Variants in CCDC149 observed in about 807,000 individuals in gnomAD.
CCDC149 encodes the protein coiled-coil domain containing 149, also known as coiled-coil domain-containing protein 149.
CCDC149 carries 45 observed loss-of-function variants against 59.9 expected under a neutral mutation model. The ratio of observed to expected loss-of-function variants is 0.75; its 90% CI spans 0.59 to 0.96. CCDC149 has a LOEUF of 0.96. Ranked by LOEUF, CCDC149 falls within the 40% of genes least tolerant of loss-of-function variation. CCDC149 has a pLI of 0.00. For synonymous variants in CCDC149, 245 were observed against 260.6 expected (o/e 0.94, Z 0.58); for missense variants, 584 against 664.7 (o/e 0.88, Z 1.33).
intron 4 of CCDC149, among the ~76,000 whole-genome samples, chr4:24,847,461 C>T (rs979970612): frequency 1.2e-4 from 19 of 152,138 alleles, no homozygotes; most frequent in Non-Finnish European, 2.1e-4. Flanking sequence ...ATTATCTACT[C>T]CCCAACTAGA....
intron 1 of CCDC149, among the ~76,000 whole-genome samples, chr4:24,945,597 T>C (rs1723084864): frequency 6.6e-6 from 1 of 151,550 alleles, no homozygotes; most frequent in South Asian, 2.1e-4. Context: ...AGCCACTCTG[T>C]TTATGATAAT....
intron 1 of CCDC149, among the ~76,000 whole-genome samples, chr4:24,931,190 A>G (rs527905110): frequency 9.2e-4 from 138 of 149,616 alleles, no homozygotes; most frequent in East Asian, 2.5e-3. Context: ...ATATGTGTGT[A>G]TATATATATA....
At chr4:24,829,704 C>T (rs1399370407) in intron 9 of CCDC149, 1 of 152,106 alleles carries the variant, frequency 6.6e-6, no homozygotes, top group Admixed American at 6.6e-5. Flanking sequence ...TGGACTCACC[C>T]GGGACTTACT....
At chr4:24,850,083 T>A (rs188668424) in intron 4 of CCDC149, among the ~76,000 whole-genome samples, 70 of 152,374 alleles carry the variant, frequency 4.6e-4, no homozygotes, top group Admixed American at 2.5e-3. Context: ...CTCCACAAAG[T>A]ACTGATGACA....
In CCDC149 at chr4:24,835,001, C is replaced by G. The variant is rs1269961606; in HGVS notation, c.767G>C (p.Gly256Ala). The G allele has an allele frequency of 6.2e-7, 1 of 1,613,986 alleles. No homozygotes were observed. The stretch of plus-strand genomic sequence containing the variant: ...AGCACTGCTGCTGGATTTACCCTGG[C>G]CCTTCGAGTTTTTCCGTCTCTCCAG... The change falls in exon 8 of 13, where the codon GGC (glycine) becomes GCC (alanine). Residue 256 changes from glycine (G) to alanine (A), a missense_variant. Physicochemically the swap from Gly to Ala is moderately conservative, Grantham distance 60 (BLOSUM62 0). Coordinates refer to ENST00000635206, the MANE Select transcript of CCDC149 (RefSeq NM_001330643.2).
chr4:24,958,899 C>T (rs1316485044), intron 1 of CCDC149, among the ~76,000 whole-genome samples: 1 of 151,494 alleles, frequency 6.6e-6, no homozygotes, highest in African/African-American at 2.4e-5. Context: ...GTGGCACACA[C>T]CTGTAATCTC....
intron 1 of CCDC149, among the ~76,000 whole-genome samples, chr4:24,966,059 C>G (rs190500166): frequency 6.6e-6 from 1 of 152,120 alleles, no homozygotes. Flanking sequence ...TTTCCAGCTA[C>G]CCACCACTTG....
intron 1 of CCDC149, among the ~76,000 whole-genome samples, chr4:24,921,043 A>G (rs1410850506): frequency 1.3e-5 from 2 of 152,304 alleles, no homozygotes; most frequent in African/African-American, 2.4e-5. Context: ...GAGTGTTTCA[A>G]CTTTGCTAAA....
At chr4:24,850,706 A>G (rs952737080) in intron 4 of CCDC149, among the ~76,000 whole-genome samples, 1 of 152,144 alleles carries the variant, frequency 6.6e-6, no homozygotes, top group African/African-American at 2.4e-5. Flanking sequence ...GAAGAGTTGG[A>G]GTAGAAAGTG....
At chr4:24,833,487 G>A (rs1716294642) in intron 8 of CCDC149, among the ~76,000 whole-genome samples, 1 of 152,144 alleles carries the variant, frequency 6.6e-6, no homozygotes, top group African/African-American at 2.4e-5. Flanking sequence ...AGCTGGGCAT[G>A]GTAGCACACG....
intron 9 of CCDC149, chr4:24,828,274 T>C (rs1322987980): frequency 1.9e-5 from 1 of 54,050 alleles, no homozygotes; most frequent in East Asian, 3.7e-4. Context: ...AGTTACCGTT[T>C]GTAAAAAAAA....
chr4:24,838,224 C>T lies in CCDC149; in HGVS notation c.421G>A (p.Gly141Ser), dbSNP rs757955415. The change falls in exon 5 of 13, where the codon GGC becomes AGC. Residue 141 changes from glycine to serine, a missense_variant. Transcript: ENST00000635206. ...TCATGGGCTGCAAAGTGTCGCACGC[C>T]GATTGCTTCGTCTCCGAGCCTTTGT... The T allele has an allele frequency of 3.1e-5, 50 of 1,614,008 alleles. No homozygotes were observed. The highest frequency in any genetic ancestry group is 4.1e-5 in the Non-Finnish European group (48 of 1,180,034).
intron 11 of CCDC149, among the ~76,000 whole-genome samples, chr4:24,820,759 G>A (rs779317178): frequency 3.9e-5 from 6 of 151,930 alleles, no homozygotes; most frequent in Non-Finnish European, 8.8e-5. Flanking sequence ...GACATAAACT[G>A]TATCAGATCT....
At chr4:24,966,726 G>C (rs1339141453) in intron 1 of CCDC149, among the ~76,000 whole-genome samples, 2 of 152,216 alleles carry the variant, frequency 1.3e-5, no homozygotes, top group Non-Finnish European at 2.9e-5. Flanking sequence ...AAATGCCCAA[G>C]GGGGAGAAGG....
chr4:24,831,165 T>G (rs1716119265), intron 9 of CCDC149: 1 of 178,704 alleles, frequency 5.6e-6, no homozygotes, highest in African/African-American at 2.4e-5. Context: ...TAAATGGCAC[T>G]GAGGCAGTTT....
At chr4:24,947,926 C>T (rs192750409) in intron 1 of CCDC149, among the ~76,000 whole-genome samples, 2 of 152,006 alleles carry the variant, frequency 1.3e-5, no homozygotes, top group East Asian at 3.9e-4. Context: ...TATATAGCTA[C>T]AGCTAAAATT....
chr4:24,871,602 C>G (rs1719045823), intron 3 of CCDC149, among the ~76,000 whole-genome samples: 1 of 151,754 alleles, frequency 6.6e-6, no homozygotes, highest in Non-Finnish European at 1.5e-5. Context: ...ATGAAAATAG[C>G]TTGCTCTCTC....
chr4:24,841,033 C>T (rs1412516345), intron 4 of CCDC149, among the ~76,000 whole-genome samples: 1 of 152,086 alleles, frequency 6.6e-6, no homozygotes, highest in East Asian at 1.9e-4. Context: ...AGCTGATATG[C>T]AAAAACTCTA....
At position 24,931,597 on chromosome 4, in the gene CCDC149, T is replaced by A. The variant is rs997246419; in HGVS notation, c.-64-36479A>T. On this transcript the variant is annotated intron_variant, in intron 1 of 12. Transcript: ENST00000389609. ...AAGAGAGGCCAAATGAGCCAGCACT[T>A]TTATACACATCGAATTGGCTAGAAC... Among the ~76,000 whole-genome samples the A allele has an allele frequency of 8.6e-5, 13 of 151,220 alleles. 1 individual carries two copies. The highest frequency in any genetic ancestry group is 1.2e-4 in the Non-Finnish European group (8 of 67,872).
Sources: gnomAD v4.1 joint callset for allele counts (sites outside exome capture counted in the v4.1 genomes callset) on GRCh38, gnomAD v4.1.1 for gene constraint, MANE v1.5 for transcripts, NCBI Gene and HGNC (gene_info 2026-07-23, HGNC 2026-07-21) for gene names.